Variants in ADAMTSL3 observed in about 807,000 individuals in gnomAD.
ADAMTSL3 encodes ADAMTS like 3.
In ADAMTSL3, 128 loss-of-function variants were observed where a neutral mutation model predicts 201.7. That is an observed-to-expected ratio of 0.63 (90% CI 0.55 to 0.73). The LOEUF (loss-of-function observed/expected upper bound fraction) is 0.73. ADAMTSL3 is among the 30% of genes least tolerant of loss of function. ADAMTSL3 has a pLI of 0.00. For missense variants in ADAMTSL3, 1,990 were observed against 2,119.6 expected (o/e 0.94, Z 1.20); for synonymous variants, 738 against 748.4 (o/e 0.99, Z 0.23).
At chr15:83,733,233 A>C (rs896748667) in intron 3 of ADAMTSL3, among the ~76,000 whole-genome samples, 9 of 152,220 alleles carry the variant, frequency 5.9e-5, no homozygotes, top group Non-Finnish European at 1.3e-4. Context: ...CCTCTGCAAT[A>C]AAGTGAGGAA....
chr15:83,967,879 C>T (rs1439051176), intron 19 of ADAMTSL3, among the ~76,000 whole-genome samples: 2 of 152,164 alleles, frequency 1.3e-5, no homozygotes, highest in East Asian at 3.8e-4. Context: ...AATCATGCCA[C>T]ACATCTACAA....
intron 3 of ADAMTSL3, among the ~76,000 whole-genome samples, chr15:83,736,952 G>A (rs1275813400): frequency 6.6e-6 from 1 of 152,126 alleles, no homozygotes; most frequent in Non-Finnish European, 1.5e-5. Flanking sequence ...GGAAGAGGAG[G>A]ACCAAACACA....
chr15:83,847,463 G>A (rs1440863181), intron 7 of ADAMTSL3, among the ~76,000 whole-genome samples: 1 of 150,740 alleles, frequency 6.6e-6, no homozygotes, highest in Non-Finnish European at 1.5e-5. Flanking sequence ...AAATTGTGCA[G>A]ACCCTGTTCT....
chr15:83,659,044 G>A (rs1237692429), intron 2 of ADAMTSL3, among the ~76,000 whole-genome samples: 1 of 152,226 alleles, frequency 6.6e-6, no homozygotes, highest in African/African-American at 2.4e-5. Flanking sequence ...GTGTATATCT[G>A]AATGGCCCTC....
At chr15:83,823,512 C>T (rs1349923588) in intron 6 of ADAMTSL3, among the ~76,000 whole-genome samples, 1 of 152,168 alleles carries the variant, frequency 6.6e-6, no homozygotes, top group Admixed American at 6.5e-5. Context: ...TTTCTTTCAA[C>T]CCACACATTT....
At chr15:83,988,368 G>A (rs1323555091) in intron 21 of ADAMTSL3, among the ~76,000 whole-genome samples, 3 of 152,214 alleles carry the variant, frequency 2.0e-5, no homozygotes, top group East Asian at 1.9e-4. Flanking sequence ...AGGTTTGCTA[G>A]GTTGTCTTTT....
Position 84,036,860 on chromosome 15 carries a change from C to G in ADAMTSL3, c.4842C>G (p.Gly1614=). Reference sequence around the variant, plus strand: ...GGAAGCCCTGTACAGCAGCCTGTGGCAGGGGTTTCCAGTCTCGGAAAGTCG... The same window carrying G: ...GGAAGCCCTGTACAGCAGCCTGTGGGAGGGGTTTCCAGTCTCGGAAAGTCG... ...GPWKPCTAAC[G]RGFQSRKVDC... is the part of the protein sequence containing the mutation. The change falls in exon 29 of 30, where the codon GGC becomes GGG. Residue 1614 remains glycine, a synonymous_variant. Coordinates refer to ENST00000286744, the MANE Select transcript of ADAMTSL3 (RefSeq NM_207517.3). The G allele has an allele frequency of 6.2e-7, 1 of 1,614,082 alleles. No homozygotes were observed. Among genetic ancestry groups the G allele is most frequent in the African/African-American group, 1.3e-5 (1 of 75,044 alleles).
intron 3 of ADAMTSL3, among the ~76,000 whole-genome samples, chr15:83,738,058 C>T (rs977987648): frequency 1.3e-5 from 2 of 152,070 alleles, no homozygotes; most frequent in African/African-American, 4.8e-5. Context: ...AAGACTGTCT[C>T]CGAAATAATT....
rs570761344 is a variant in ADAMTSL3, at chr15:83,677,563, A to G, written c.69+21733A>G. The stretch of plus-strand genomic sequence containing the variant: ...CTGAGGTTTACTTTATCTAATATGA[A>G]TGTAGCCACTTCTTTTAAAAATTAC... On this transcript the variant is annotated intron_variant, in intron 2 of 29. Coordinates refer to ENST00000286744, the MANE Select transcript of ADAMTSL3 (RefSeq NM_207517.3). 2.0e-5 allele frequency among the ~76,000 whole-genome samples: 3 copies of G among 152,098 alleles called. No individual in the cohort carries two copies. In the South Asian group the frequency reaches 6.2e-4, roughly 32 times the overall value.
intron 2 of ADAMTSL3, among the ~76,000 whole-genome samples, chr15:83,669,682 A>G (rs893830418): frequency 1.3e-4 from 19 of 147,136 alleles, no homozygotes; most frequent in African/African-American, 4.5e-4. Flanking sequence ...GTTAGCCAGG[A>G]TGGTCTCAAT....
At chr15:83,800,649 TAA>T (rs1440780464) in intron 4 of ADAMTSL3, among the ~76,000 whole-genome samples, 1 of 152,210 alleles carries the variant, frequency 6.6e-6, no homozygotes, top group Non-Finnish European at 1.5e-5. Flanking sequence ...CCATTTTTAT[TAA>T]GTTTCAACAA....
chr15:83,717,380 A>G (rs1203394324), intron 3 of ADAMTSL3: 1 of 152,226 alleles, frequency 6.6e-6, no homozygotes, highest in Non-Finnish European at 1.5e-5. Context: ...GAACTGTATG[A>G]GATATGCCCT....
At chr15:83,696,295 G>A (rs920964897) in intron 2 of ADAMTSL3, among the ~76,000 whole-genome samples, 1 of 152,204 alleles carries the variant, frequency 6.6e-6, no homozygotes, top group African/African-American at 2.4e-5. Flanking sequence ...CTGCAGTGCG[G>A]CCTTGACCTC....
At chr15:83,735,006 C>A (rs778008236) in intron 3 of ADAMTSL3, among the ~76,000 whole-genome samples, 2 of 152,120 alleles carry the variant, frequency 1.3e-5, no homozygotes, top group Non-Finnish European at 1.5e-5. Flanking sequence ...TGAGCACCAC[C>A]TGTAGTTATA....
intron 3 of ADAMTSL3, among the ~76,000 whole-genome samples, chr15:83,763,636 C>T (rs2062844723): frequency 6.6e-6 from 1 of 151,788 alleles, no homozygotes; most frequent in South Asian, 2.1e-4. Flanking sequence ...TCCTGAGTAG[C>T]TGGGACTACA....
chr15:83,931,127 G>A (rs1297499518), intron 17 of ADAMTSL3, among the ~76,000 whole-genome samples: 2 of 152,212 alleles, frequency 1.3e-5, no homozygotes, highest in East Asian at 1.9e-4. Context: ...GAGAGAGCCA[G>A]CAGCTTGTAG....
At chr15:84,007,364 C>T (rs2067913675) in intron 23 of ADAMTSL3, among the ~76,000 whole-genome samples, 2 of 152,158 alleles carry the variant, frequency 1.3e-5, no homozygotes, top group African/African-American at 4.8e-5. Flanking sequence ...TTAGATACAT[C>T]TGGATTCAGG....
intron 27 of ADAMTSL3, among the ~76,000 whole-genome samples, chr15:84,027,474 C>T (rs962344322): frequency 6.6e-5 from 10 of 152,160 alleles, no homozygotes; most frequent in African/African-American, 2.4e-4. Flanking sequence ...CCTGTAATCC[C>T]AGCACTTTGG....
In ADAMTSL3 at chr15:83,994,890, A is replaced by G. The variant is rs117894267; in HGVS notation, c.3973+3676A>G. Among the ~76,000 whole-genome samples the G allele has an allele frequency of 1.0e-3, 152 of 151,638 alleles. 1 individual carries two copies. The East Asian group carries it at 0.022, about 22-fold the overall frequency. ...CTCCCAAAGTGTTGGGATTACAGGC[A>G]TGAGCCACGGCATCCGGCCCTGGAA... On this transcript the variant is annotated intron_variant, in intron 23 of 29. Transcript: ENST00000286744.
Sources: gnomAD v4.1 joint callset for allele counts (sites outside exome capture counted in the v4.1 genomes callset) on GRCh38, gnomAD v4.1.1 for gene constraint, MANE v1.5 for transcripts, NCBI Gene and HGNC (gene_info 2026-07-23, HGNC 2026-07-21) for gene names.